The following UBR1 variants were observed in gnomAD, a reference collection of about 807,000 sequenced individuals.
The protein encoded by UBR1 is E3 ubiquitin-protein ligase UBR1.
Under a neutral mutation model 242.1 loss-of-function variants are expected in UBR1, and 102 were observed. The observed-to-expected ratio is 0.42, with a 90% confidence interval of 0.36 to 0.50. The LOEUF (loss-of-function observed/expected upper bound fraction) is 0.50. Ranked by LOEUF, UBR1 falls within the 20% of genes least tolerant of loss-of-function variation. The pLI is 0.01. For missense variants in UBR1, 1,772 were observed against 2,101.8 expected, an observed-to-expected ratio of 0.84 and a Z score of 3.07; for synonymous variants, 675 against 684.8, an observed-to-expected ratio of 0.99 and a Z score of 0.22.
chr15:43,085,922 A>G, intron 2 of UBR1, 62 bp downstream of exon 2: 1 of 529,934 alleles, frequency 1.9e-6, no homozygotes, highest in Non-Finnish European at 2.6e-6. Context: ...CTCTGTTTCA[A>G]AAAAAAAAAA....
intron 29 of UBR1, among the ~76,000 whole-genome samples, chr15:43,008,457 T>A (rs2032867523): frequency 6.6e-6 from 1 of 152,214 alleles, no homozygotes; most frequent in Admixed American, 6.5e-5. Flanking sequence ...GGTCTTTGGG[T>A]GCTGATAAGC....
chr15:43,034,928 G>A (rs924605785), intron 19 of UBR1, among the ~76,000 whole-genome samples: 21 of 149,900 alleles, frequency 1.4e-4, no homozygotes, highest in African/African-American at 4.2e-4. Context: ...AGAAAAACAC[G>A]TTGTTTTATC....
chr15:43,022,921 G>A lies in UBR1; in HGVS notation c.2740-120C>T, dbSNP rs1238631673. 4 of 600,716 alleles carry A rather than the reference G, an allele frequency of 6.7e-6. No individual in the cohort carries two copies. In the African/African-American group the frequency reaches 7.5e-5, roughly 11 times the overall value. The allele number at this position is 600,716 out of a possible 1,614,324, so 37.2% of individuals were successfully genotyped here. A position where few individuals can be genotyped will look rare whatever the true frequency, so the allele number is the denominator to read the frequency against. ...TCTGTCACCCAGGTTGGAGTGCAGT[G>A]GGGCAATCCTAGCTTACTGCAGCCT... On this transcript the variant is annotated intron_variant, in intron 25 of 46. Coordinates refer to ENST00000290650, the MANE Select transcript of UBR1 (RefSeq NM_174916.3).
At chr15:43,001,459 T>G (rs2032724614) in intron 32 of UBR1, among the ~76,000 whole-genome samples, 1 of 152,246 alleles carries the variant, frequency 6.6e-6, no homozygotes, top group South Asian at 2.1e-4. Flanking sequence ...AGCAAGTCTT[T>G]ATATTGACCC....
intron 3 of UBR1, 141 bp downstream of exon 3, chr15:43,082,497 A>G: frequency 2.8e-6 from 2 of 713,736 alleles, no homozygotes; most frequent in Non-Finnish European, 5.0e-6. Context: ...CACATCCCTT[A>G]TCTCTTCCAA....
intron 39 of UBR1, among the ~76,000 whole-genome samples, chr15:42,975,666 C>T (rs1050873668): frequency 6.6e-6 from 1 of 151,872 alleles, no homozygotes; most frequent in South Asian, 2.1e-4. Context: ...TCACTGATAC[C>T]CAGGACCAGA....
At chr15:42,961,899 T>C (rs2141256265) in intron 42 of UBR1, among the ~76,000 whole-genome samples, 1 of 151,498 alleles carries the variant, frequency 6.6e-6, no homozygotes, top group South Asian at 2.1e-4. Context: ...GGACTACAGA[T>C]GTGCGCCAAC....
chr15:43,038,093 T>C, intron 16 of UBR1, 78 bp downstream of exon 16: 2 of 1,511,862 alleles, frequency 1.3e-6, no homozygotes, highest in Non-Finnish European at 1.8e-6. Context: ...TTCTAAATAT[T>C]ATCTCCTTCT....
At chr15:43,014,838 G>A (rs1176095357) in intron 29 of UBR1, among the ~76,000 whole-genome samples, 1 of 150,588 alleles carries the variant, frequency 6.6e-6, no homozygotes, top group Admixed American at 6.6e-5. Flanking sequence ...GGGAGGTGGG[G>A]GTCAGCCCCC....
At chr15:43,077,457 C>G (rs546073634) in intron 3 of UBR1, among the ~76,000 whole-genome samples, 4 of 151,450 alleles carry the variant, frequency 2.6e-5, no homozygotes, top group African/African-American at 9.7e-5. Flanking sequence ...GCAGCATGCT[C>G]GTTAAGAGTC....
Position 43,054,676 on chromosome 15 carries a change from T to A in UBR1, c.1439+66A>T. On this transcript the variant is annotated intron_variant, in intron 12 of 46. Transcript: ENST00000290650. ...ACCAAAATGATCACAGGATTACTTA[T>A]AAGACACAGCAAATAAGCACACTGA... The A allele has an allele frequency of 1.9e-6, 3 of 1,562,532 alleles. No individual in the cohort carries two copies. The South Asian group carries it at 3.4e-5, about 17-fold the overall frequency.
At chr15:42,999,881 T>C (rs757690876) in intron 32 of UBR1, among the ~76,000 whole-genome samples, 9 of 152,270 alleles carry the variant, frequency 5.9e-5, no homozygotes, top group Non-Finnish European at 1.2e-4. Flanking sequence ...GGAATCTTTT[T>C]ATTGAAAGAA....
At chr15:43,020,101 G>A (rs762502847) in intron 27 of UBR1, among the ~76,000 whole-genome samples, 1 of 151,846 alleles carries the variant, frequency 6.6e-6, no homozygotes, top group Admixed American at 6.6e-5. Context: ...GTGCAGTGGT[G>A]CGATCTTGGC....
chr15:43,026,976 T>C (rs1470880105), intron 22 of UBR1, among the ~76,000 whole-genome samples: 2 of 152,224 alleles, frequency 1.3e-5, no homozygotes, highest in South Asian at 4.1e-4. Flanking sequence ...CTCTGATGCC[T>C]AAAGGTTGTC....
chr15:42,968,126 G>A (rs1433433203), intron 40 of UBR1, among the ~76,000 whole-genome samples: 1 of 151,880 alleles, frequency 6.6e-6, no homozygotes, highest in Non-Finnish European at 1.5e-5. Context: ...ACTGTAAAAG[G>A]ACAACCTATT....
chr15:43,026,137 C>T (rs1186372887), intron 23 of UBR1: 1 of 183,978 alleles, frequency 5.4e-6, no homozygotes, highest in Non-Finnish European at 1.1e-5. Context: ...GATGCTGGGG[C>T]AGGAGAATCA....
intron 44 of UBR1, among the ~76,000 whole-genome samples, chr15:42,957,060 A>G (rs1432425448): frequency 1.3e-5 from 2 of 152,178 alleles, no homozygotes; most frequent in African/African-American, 2.4e-5. Flanking sequence ...CCACAAAGAA[A>G]CTTGTAGATG....
chr15:42,995,602 A>C (rs1273632806), intron 33 of UBR1, among the ~76,000 whole-genome samples: 1 of 152,108 alleles, frequency 6.6e-6, no homozygotes, highest in African/African-American at 2.4e-5. Flanking sequence ...CGGGAGGTGG[A>C]GCTTGCAGTG....
At position 43,087,763 on chromosome 15, in the gene UBR1, A is replaced by G. The variant is rs566951047; in HGVS notation, c.82-1523T>C. Among the ~76,000 whole-genome samples, 187 of 152,290 alleles carry G rather than the reference A, an allele frequency of 1.2e-3. 1 individual carries two copies. Among genetic ancestry groups the G allele is most frequent in the African/African-American group, 4.4e-3 (181 of 41,556 alleles). Reference sequence around the variant, plus strand: ...AGAAAGTATTTTTTTTTGCAGCATGACTATTTTTAATCGTCAAAGACTGGA... The same window carrying G: ...AGAAAGTATTTTTTTTTGCAGCATGGCTATTTTTAATCGTCAAAGACTGGA... On this transcript the variant is annotated intron_variant, in intron 1 of 46. Transcript: ENST00000290650.
Sources: allele counts gnomAD v4.1 joint callset (sites outside exome capture counted in the v4.1 genomes callset), GRCh38; gene constraint gnomAD v4.1.1; transcripts MANE v1.5; gene names NCBI Gene and HGNC (gene_info 2026-07-23, HGNC 2026-07-21).